Variants in HLCS observed in about 807,000 individuals in gnomAD.
The protein encoded by HLCS is holocarboxylase synthetase, also known as biotin--protein ligase.
In HLCS, 53 loss-of-function variants were observed where a neutral mutation model predicts 75.0. The ratio of observed to expected loss-of-function variants is 0.71; its 90% CI spans 0.57 to 0.89. The LOEUF (loss-of-function observed/expected upper bound fraction) is 0.89, where lower values mean the gene tolerates loss of function less well. HLCS is among the 40% of genes least tolerant of loss of function. HLCS has a pLI of 0.00. For synonymous variants in HLCS, 431 were observed against 428.6 expected (o/e 1.01, Z -0.07); for missense variants, 966 against 1,074.0 (o/e 0.90, Z 1.41).
chr21:36,834,960 G>C (rs1446719310), intron 6 of HLCS, among the ~76,000 whole-genome samples: 1 of 152,160 alleles, frequency 6.6e-6, no homozygotes, highest in Non-Finnish European at 1.5e-5. Flanking sequence ...AGGAAGTGTG[G>C]GGGGTCAGGA....
At chr21:36,981,211 G>C (rs1249559051) in intron 1 of HLCS, among the ~76,000 whole-genome samples, 2 of 152,132 alleles carry the variant, frequency 1.3e-5, no homozygotes, top group African/African-American at 4.8e-5. Flanking sequence ...TTAAGGTTTT[G>C]CTGAATAAAA....
rs147025809 is a variant in HLCS, at chr21:36,899,366, G to A, written c.1621-2235C>T. 3.3e-5 allele frequency among the ~76,000 whole-genome samples: 5 copies of A among 152,294 alleles called. No individual in the cohort carries two copies. In the East Asian group the frequency reaches 9.7e-4, roughly 29 times the overall value. On this transcript the variant is annotated intron_variant, in intron 5 of 10. Transcript: ENST00000674895. ...AGGCCGGGCACAGTGGTTCACGCCTGTAATCCCAACACTTTGGGAGGCTGA... is the reference window on the plus strand; with the variant it reads ...AGGCCGGGCACAGTGGTTCACGCCTATAATCCCAACACTTTGGGAGGCTGA...
At chr21:36,795,579 G>T (rs995689528) in intron 6 of HLCS, among the ~76,000 whole-genome samples, 2 of 152,138 alleles carry the variant, frequency 1.3e-5, no homozygotes, top group African/African-American at 4.8e-5. Context: ...CAGAAATTTG[G>T]GGCCATGACT....
At chr21:36,830,906 C>A (rs1347648406) in intron 6 of HLCS, among the ~76,000 whole-genome samples, 1 of 151,584 alleles carries the variant, frequency 6.6e-6, no homozygotes, top group East Asian at 1.9e-4. Context: ...AGGTATCTAC[C>A]CTAGTTATCC....
chr21:36,776,936 C>T (rs935953281), intron 6 of HLCS, among the ~76,000 whole-genome samples: 1 of 152,188 alleles, frequency 6.6e-6, no homozygotes, highest in African/African-American at 2.4e-5. Context: ...AACTAATAGG[C>T]TTTTTTATTT....
chr21:36,836,038 C>T (rs901629710), intron 6 of HLCS, among the ~76,000 whole-genome samples: 1 of 152,084 alleles, frequency 6.6e-6, no homozygotes, highest in Admixed American at 6.5e-5. Flanking sequence ...GGTCTCTCCC[C>T]ACTCCTATCC....
intron 6 of HLCS, among the ~76,000 whole-genome samples, chr21:36,824,694 T>C (rs930098262): frequency 6.6e-6 from 1 of 152,172 alleles, no homozygotes; most frequent in African/African-American, 2.4e-5. Flanking sequence ...ACAGACTTCC[T>C]CCACAGAGGG....
At chr21:36,812,121 G>C (rs577523159) in intron 6 of HLCS, among the ~76,000 whole-genome samples, 1 of 152,270 alleles carries the variant, frequency 6.6e-6, no homozygotes, top group Non-Finnish European at 1.5e-5. Context: ...TCACAAACAT[G>C]AGGAAGCGCA....
At position 36,752,922 on chromosome 21, in the gene HLCS, A is replaced by G. The variant is rs141644229; in HGVS notation, c.*1324T>C. The G allele has an allele frequency of 3.2e-4, 49 of 152,746 alleles. No homozygotes were observed. The East Asian group carries it at 9.3e-3, about 29-fold the overall frequency. The allele number at this position is 152,746 out of a possible 1,614,324, so 9.5% of individuals were successfully genotyped here. On this transcript the variant is annotated 3_prime_UTR_variant, in exon 11 of 11. Coordinates refer to ENST00000674895, the MANE Select transcript of HLCS (RefSeq NM_001352514.2). The stretch of plus-strand genomic sequence containing the variant: ...AGCTCCATCAAACTTTCTTTCCACT[A>G]ATTTCAGCTGGGACTGGAAGAGAGA...
upstream of HLCS, among the ~76,000 whole-genome samples, chr21:36,967,483 A>G (rs1392423250): frequency 1.3e-5 from 2 of 152,140 alleles, no homozygotes; most frequent in African/African-American, 2.4e-5. Context: ...GGAAAACATC[A>G]CCATGATTTG....
intron 6 of HLCS, among the ~76,000 whole-genome samples, chr21:36,889,817 ATAG>A: frequency 6.6e-6 from 1 of 152,212 alleles, no homozygotes. Flanking sequence ...CTACTAGGAA[ATAG>A]CACAGAAAAA....
intron 6 of HLCS, among the ~76,000 whole-genome samples, chr21:36,801,207 C>G (rs1569028847): frequency 6.6e-6 from 1 of 152,196 alleles, no homozygotes; most frequent in Non-Finnish European, 1.5e-5. Context: ...AATGATTACC[C>G]TTGTCATTCG....
At chr21:36,989,363 G>A (rs2069295866) in intron 1 of HLCS, among the ~76,000 whole-genome samples, 1 of 127,790 alleles carries the variant, frequency 7.8e-6, no homozygotes, top group African/African-American at 3.1e-5. Flanking sequence ...CGCTCTTGTC[G>A]TCCAGGCTGG....
intron 2 of HLCS, among the ~76,000 whole-genome samples, chr21:36,957,456 T>C (rs779743017): frequency 6.6e-6 from 1 of 152,200 alleles, no homozygotes; most frequent in Admixed American, 6.5e-5. Context: ...TTTATAGCAA[T>C]GCAAGAACTG....
In HLCS at chr21:36,748,848, A is replaced by G. The variant is rs758077224; in HGVS notation, c.*5398T>C. On this transcript the variant is annotated 3_prime_UTR_variant, in exon 11 of 11. Coordinates refer to ENST00000674895, the MANE Select transcript of HLCS (RefSeq NM_001352514.2). ...GAATAGGCATTAAATGCAAAAATAT[A>G]TATGTAGCCAGACAGTTTATGAGAA... is the stretch of plus-strand genomic sequence containing the variant. 1 of 152,648 alleles carries G rather than the reference A, an allele frequency of 6.6e-6. No homozygotes were observed. The allele number at this position is 152,648 out of a possible 1,614,324, so 9.5% of individuals were successfully genotyped here. A position where few individuals can be genotyped will look rare whatever the true frequency, so the allele number is the denominator to read the frequency against.
At chr21:36,843,382 G>A (rs2062682777) in intron 6 of HLCS, among the ~76,000 whole-genome samples, 2 of 152,186 alleles carry the variant, frequency 1.3e-5, no homozygotes, top group African/African-American at 4.8e-5. Flanking sequence ...AGACTCCAGT[G>A]AGCCATGATC....
At chr21:36,933,842 G>A (rs141453495) in intron 4 of HLCS, among the ~76,000 whole-genome samples, 228 of 152,280 alleles carry the variant, frequency 1.5e-3, no homozygotes, top group African/African-American at 5.2e-3. Flanking sequence ...TAGCCAAGAT[G>A]CACACGCAGT....
chr21:36,751,474 G>T lies in HLCS; in HGVS notation c.*2772C>A. On this transcript the variant is annotated 3_prime_UTR_variant, in exon 11 of 11. Transcript: ENST00000674895. ...TCTTTGTTCCCAGACTCCAGGGCAA[G>T]GGGCGACCATGCTGTATATGCTGTG... 6.6e-6 allele frequency: 1 copy of T among 152,462 alleles called. No individual in the cohort carries two copies. 9.4% of individuals were successfully genotyped at this position (152,462 alleles called of 1,614,324 possible). A position where few individuals can be genotyped will look rare whatever the true frequency, so the allele number is the denominator to read the frequency against.
At chr21:36,919,865 T>G (rs201899310) in intron 5 of HLCS, among the ~76,000 whole-genome samples, 1 of 152,186 alleles carries the variant, frequency 6.6e-6, no homozygotes, top group East Asian at 1.9e-4. Context: ...AATCACAAAT[T>G]CTTAGAAAAG....
Sources: gnomAD v4.1 joint callset for allele counts (sites outside exome capture counted in the v4.1 genomes callset) on GRCh38, gnomAD v4.1.1 for gene constraint, MANE v1.5 for transcripts, NCBI Gene and HGNC (gene_info 2026-07-23, HGNC 2026-07-21) for gene names.